Variants in TMEM74 observed in about 807,000 individuals in gnomAD.
The protein encoded by TMEM74 is transmembrane protein 74.
A neutral mutation model predicts 18.1 loss-of-function variants in TMEM74; 13 were observed. That is an observed-to-expected ratio of 0.72 (90% CI 0.47 to 1.14). TMEM74 has a LOEUF of 1.14. TMEM74 is among the 50% of genes most tolerant of loss of function. The pLI is 0.00. For synonymous variants in TMEM74, 159 were observed against 146.6 expected (o/e 1.08, Z -0.61); for missense variants, 372 against 375.9 (o/e 0.99, Z 0.09).
intron 1 of TMEM74, among the ~76,000 whole-genome samples, chr8:108,672,916 A>G (rs770323370): frequency 3.9e-5 from 6 of 152,210 alleles, no homozygotes; most frequent in Non-Finnish European, 5.9e-5. Context: ...ATGGGTCACA[A>G]AGCAGGTATT....
intron 1 of TMEM74, among the ~76,000 whole-genome samples, chr8:108,745,436 G>A (rs1563540719): frequency 6.6e-6 from 1 of 152,058 alleles, no homozygotes; most frequent in Non-Finnish European, 1.5e-5. Context: ...TTCAAAAAAA[G>A]CTATTTTTTC....
intron 1 of TMEM74, among the ~76,000 whole-genome samples, chr8:108,757,439 A>T (rs1348529746): frequency 6.6e-6 from 1 of 152,136 alleles, no homozygotes; most frequent in East Asian, 1.9e-4. Flanking sequence ...TGTTCTTAAA[A>T]TAAATGATGC....
At chr8:108,747,473 A>T (rs963842301) in intron 1 of TMEM74, among the ~76,000 whole-genome samples, 1 of 152,016 alleles carries the variant, frequency 6.6e-6, no homozygotes, top group Non-Finnish European at 1.5e-5. Flanking sequence ...AGAAGTATGT[A>T]CCACTTGATC....
chr8:108,749,457 T>C (rs1813883402), intron 1 of TMEM74, among the ~76,000 whole-genome samples: 1 of 152,198 alleles, frequency 6.6e-6, no homozygotes, highest in African/African-American at 2.4e-5. Context: ...GCCTTGACTG[T>C]TGTTGGTGTA....
intron 1 of TMEM74, among the ~76,000 whole-genome samples, chr8:108,732,383 T>C (rs1181103502): frequency 6.6e-6 from 1 of 152,194 alleles, no homozygotes; most frequent in Non-Finnish European, 1.5e-5. Context: ...TCATCCCATG[T>C]GAGCTTTTTA....
chr8:108,670,184 C>T (rs1439767188), intron 1 of TMEM74, among the ~76,000 whole-genome samples: 3 of 151,820 alleles, frequency 2.0e-5, no homozygotes, highest in Non-Finnish European at 4.4e-5. Context: ...ATTTGATCTG[C>T]TGTCAAAAGT....
At chr8:108,693,399 T>A (rs1386335021) in intron 1 of TMEM74, among the ~76,000 whole-genome samples, 1 of 152,212 alleles carries the variant, frequency 6.6e-6, no homozygotes, top group Non-Finnish European at 1.5e-5. Context: ...AATCTCCGTA[T>A]CTACTTTCAT....
intron 1 of TMEM74, among the ~76,000 whole-genome samples, chr8:108,720,670 C>A (rs1813577224): frequency 1.3e-5 from 2 of 152,112 alleles, no homozygotes; most frequent in Admixed American, 1.3e-4. Context: ...AAAAGACGAT[C>A]AATATAAAGT....
intron 1 of TMEM74, among the ~76,000 whole-genome samples, chr8:108,756,720 G>GGAAGGAAGGAA (rs1563543855): frequency 2.6e-5 from 2 of 78,308 alleles, no homozygotes; most frequent in South Asian, 5.4e-4. Flanking sequence ...AAGAAAGAAA[G>GGAAGGAAGGAA]AGAAAGAAAG....
chr8:108,730,929 C>T (rs1813688807), intron 1 of TMEM74, among the ~76,000 whole-genome samples: 1 of 152,152 alleles, frequency 6.6e-6, no homozygotes, highest in African/African-American at 2.4e-5. Flanking sequence ...CGCGCCCTGC[C>T]ACCATGTGTT....
chr8:108,678,523 C>A lies in TMEM74; in HGVS notation n.120-23086G>T, dbSNP rs920258767. On this transcript the variant is annotated intron_variant and non_coding_transcript_variant, in intron 1 of 3. Coordinates refer to the TMEM74 transcript ENST00000518838. The stretch of plus-strand genomic sequence containing the variant: ...GAGATTACAGGCACCCACCCCTGCA[C>A]CCAGCTATTTTTTTTTTTTTTGTAT... Among the ~76,000 whole-genome samples, 3 of 146,868 alleles carry A rather than the reference C, an allele frequency of 2.0e-5. No individual in the cohort carries two copies. The East Asian group carries it at 6.3e-4, about 31-fold the overall frequency.
chr8:108,689,647 G>A (rs1813205219), intron 1 of TMEM74, among the ~76,000 whole-genome samples: 1 of 152,142 alleles, frequency 6.6e-6, no homozygotes, highest in African/African-American at 2.4e-5. Flanking sequence ...AGATATCACT[G>A]GAATGATGTT....
chr8:108,681,601 C>T (rs1813116045), intron 1 of TMEM74, among the ~76,000 whole-genome samples: 1 of 152,120 alleles, frequency 6.6e-6, no homozygotes, highest in Non-Finnish European at 1.5e-5. Flanking sequence ...AGTCTCTGGA[C>T]CACTCCAAGG....
downstream of TMEM74, among the ~76,000 whole-genome samples, chr8:108,775,392 C>T (rs1236427019): frequency 1.3e-5 from 2 of 152,192 alleles, no homozygotes; most frequent in South Asian, 2.1e-4. Flanking sequence ...CCTACTGCTA[C>T]AAGTTTGGGG....
At chr8:108,691,919 C>T (rs992312635) in intron 1 of TMEM74, among the ~76,000 whole-genome samples, 1 of 151,588 alleles carries the variant, frequency 6.6e-6, no homozygotes, top group African/African-American at 2.4e-5. Flanking sequence ...TTCTGGGCAA[C>T]AGATTTTTTT....
In TMEM74 at chr8:108,779,666, T is replaced by C. The variant is rs1000987964; in HGVS notation, c.*4515A>G. Among the ~76,000 whole-genome samples, 4 of 152,176 alleles carry C rather than the reference T, an allele frequency of 2.6e-5. No individual in the cohort carries two copies. Among genetic ancestry groups the C allele is most frequent in the South Asian group, 2.1e-4 (1 of 4,836 alleles). On this transcript the variant is annotated 3_prime_UTR_variant, in exon 2 of 2. Coordinates refer to ENST00000297459, the MANE Select transcript of TMEM74 (RefSeq NM_153015.3). ...AGACTTCTCTTCTTCTTAATGTCAA[T>C]AGTAAGGCATGCCAAATTCCTATAA...
chr8:108,743,393 C>T (rs74872786), intron 1 of TMEM74, among the ~76,000 whole-genome samples: 1,936 of 152,058 alleles, frequency 0.013, 50 homozygotes, highest in African/African-American at 0.044. Context: ...TTGTGAAATA[C>T]TGTATTACAA....
At chr8:108,632,307 A>G (rs2130553678) in intron 2 of TMEM74, among the ~76,000 whole-genome samples, 1 of 152,124 alleles carries the variant, frequency 6.6e-6, no homozygotes, top group South Asian at 2.1e-4. Flanking sequence ...AGAGGTAACA[A>G]CACTGTGGTG....
chr8:108,688,917 T>C (rs755404097), intron 1 of TMEM74, among the ~76,000 whole-genome samples: 27 of 152,188 alleles, frequency 1.8e-4, no homozygotes, highest in Admixed American at 4.6e-4. Flanking sequence ...TCATGGTTTC[T>C]TTTCCTAGAG....
Sources: gnomAD v4.1 joint callset for allele counts (sites outside exome capture counted in the v4.1 genomes callset) on GRCh38, gnomAD v4.1.1 for gene constraint, MANE v1.5 for transcripts, NCBI Gene and HGNC (gene_info 2026-07-23, HGNC 2026-07-21) for gene names.